The following TTC27 variants were observed in gnomAD, a reference collection of about 807,000 sequenced individuals.
TTC27 encodes the protein tetratricopeptide repeat protein 27.
Under a neutral mutation model 115.9 loss-of-function variants are expected in TTC27, and 79 were observed. The ratio of observed to expected loss-of-function variants is 0.68; its 90% confidence interval spans 0.57 to 0.82. The LOEUF is 0.82. Ranked by LOEUF, TTC27 falls within the 40% of genes least tolerant of loss-of-function variation. The pLI, the probability that TTC27 is intolerant of heterozygous loss-of-function variation, is 0.00. For synonymous variants in TTC27, 401 were observed against 356.0 expected, an observed-to-expected ratio of 1.13 and a Z score of -1.42; for missense variants, 1,054 against 993.1, an observed-to-expected ratio of 1.06 and a Z score of -0.82.
intron 6 of TTC27, among the ~76,000 whole-genome samples, chr2:32,665,156 TG>T (rs1343964900): frequency 6.6e-6 from 1 of 152,114 alleles, no homozygotes; most frequent in African/African-American, 2.4e-5. Flanking sequence ...CCACATTCTG[TG>T]CTTCTTAGAG....
At chr2:32,766,768 A>T (rs1270599223) in intron 13 of TTC27, among the ~76,000 whole-genome samples, 1 of 151,920 alleles carries the variant, frequency 6.6e-6, no homozygotes, top group Non-Finnish European at 1.5e-5. Context: ...TCCCTACTTC[A>T]CCTCATATTG....
chr2:32,681,384 T>C (rs1033832373), intron 9 of TTC27, among the ~76,000 whole-genome samples: 1 of 152,128 alleles, frequency 6.6e-6, no homozygotes. Context: ...CTTCCTCCTG[T>C]CCCTTCTTTG....
chr2:32,653,774 G>A (rs368290569), intron 5 of TTC27, among the ~76,000 whole-genome samples: 9 of 152,166 alleles, frequency 5.9e-5, no homozygotes, highest in African/African-American at 1.7e-4. Context: ...AAATAATCTC[G>A]TGAGAAGAGA....
rs184847595 is a variant in TTC27, at chr2:32,719,125, G to T, written c.1234-14703G>T. 8.2e-3 allele frequency among the ~76,000 whole-genome samples: 1,243 copies of T among 152,270 alleles called. 6 individuals carry two copies. The highest frequency in any genetic ancestry group is 0.013 in the Admixed American group (193 of 15,286). ...CTCTCAGTATGGTGTCTGAAGCATT[G>T]GCCAGTGGTTCTGAGCTATGGAAGT... On this transcript the variant is annotated intron_variant, in intron 10 of 19. Transcript: ENST00000317907.
intron 19 of TTC27, among the ~76,000 whole-genome samples, chr2:32,819,924 A>G (rs900612859): frequency 2.0e-5 from 3 of 152,304 alleles, no homozygotes; most frequent in Non-Finnish European, 2.9e-5. Flanking sequence ...AAGCACTGTA[A>G]TTCTTAGTTT....
chr2:32,725,441 A>T (rs1668077173), intron 10 of TTC27, among the ~76,000 whole-genome samples: 1 of 152,146 alleles, frequency 6.6e-6, no homozygotes, highest in African/African-American at 2.4e-5. Context: ...TATGGGCCCC[A>T]TGCAAGTCCG....
At chr2:32,663,680 GTATTTATT>G (rs1313931097) in intron 5 of TTC27, among the ~76,000 whole-genome samples, 10 of 54,578 alleles carry the variant, frequency 1.8e-4, no homozygotes, top group African/African-American at 4.5e-4. Context: ...ATGTATGTAT[GTATTTATT>G]TATTTATTTA....
At chr2:32,744,469 C>G (rs1490195064) in intron 12 of TTC27, among the ~76,000 whole-genome samples, 1 of 152,186 alleles carries the variant, frequency 6.6e-6, no homozygotes, top group African/African-American at 2.4e-5. Flanking sequence ...AGAAACTACA[C>G]AGTTGACCAG....
intron 9 of TTC27, among the ~76,000 whole-genome samples, chr2:32,682,841 A>ATTTT (rs1559204114): frequency 6.5e-5 from 5 of 77,480 alleles, no homozygotes; most frequent in Non-Finnish European, 1.1e-4. Flanking sequence ...GATAATTTTT[A>ATTTT]TTGTTGTTTT....
chr2:32,763,644 C>T (rs934663056), intron 13 of TTC27, among the ~76,000 whole-genome samples: 14 of 152,098 alleles, frequency 9.2e-5, no homozygotes, highest in African/African-American at 3.4e-4. Context: ...AATGAGAGCT[C>T]CTATACGAAA....
At chr2:32,754,785 A>G (rs1458757264) in intron 12 of TTC27, among the ~76,000 whole-genome samples, 2 of 124,640 alleles carry the variant, frequency 1.6e-5, no homozygotes, top group East Asian at 2.4e-4. Flanking sequence ...GACCTCCCCC[A>G]CCTCCCTCCC....
At chr2:32,663,508 C>G (rs1485882042) in intron 5 of TTC27, among the ~76,000 whole-genome samples, 3 of 150,900 alleles carry the variant, frequency 2.0e-5, no homozygotes, top group African/African-American at 4.8e-5. Context: ...CACTGTCTAA[C>G]CAGTCCCAGT....
chr2:32,636,322 TC>T (rs1419992591), intron 3 of TTC27, among the ~76,000 whole-genome samples: 1 of 152,160 alleles, frequency 6.6e-6, no homozygotes, highest in Non-Finnish European at 1.5e-5. Context: ...CAAATGATTC[TC>T]CCACCTCAGC....
intron 16 of TTC27, among the ~76,000 whole-genome samples, chr2:32,794,724 A>C (rs1454899846): frequency 6.6e-6 from 1 of 152,152 alleles, no homozygotes. Context: ...GAGAAGATTC[A>C]GATTACTGAA....
At chr2:32,801,780 T>C (rs1361179415) in intron 16 of TTC27, among the ~76,000 whole-genome samples, 1 of 152,116 alleles carries the variant, frequency 6.6e-6, no homozygotes, top group Admixed American at 6.6e-5. Flanking sequence ...CCTCAACCAC[T>C]CCTATGAAAG....
At chr2:32,817,634 T>G in intron 19 of TTC27, 77 bp downstream of exon 19, 1 of 1,232,938 alleles carries the variant, frequency 8.1e-7, no homozygotes, top group Non-Finnish European at 1.2e-6. Context: ...CTGTTAAATC[T>G]TCTTTTACAT....
At chr2:32,683,990 C>T (rs939887411) in intron 9 of TTC27, among the ~76,000 whole-genome samples, 4 of 151,808 alleles carry the variant, frequency 2.6e-5, no homozygotes, top group Admixed American at 2.6e-4. Context: ...CCTGTCTCTG[C>T]TAAAAAAAAA....
chr2:32,650,514 C>T (rs1665075132), intron 5 of TTC27, among the ~76,000 whole-genome samples: 1 of 151,888 alleles, frequency 6.6e-6, no homozygotes, highest in South Asian at 2.1e-4. Flanking sequence ...GATTTTATCT[C>T]AAATTGTTTA....
chr2:32,755,594 G>A (rs534502385), intron 12 of TTC27, among the ~76,000 whole-genome samples: 18 of 150,274 alleles, frequency 1.2e-4, no homozygotes, highest in African/African-American at 3.7e-4. Flanking sequence ...AGAGGGAGAC[G>A]GTGGAAAGAG....
Sources: allele counts gnomAD v4.1 joint callset (sites outside exome capture counted in the v4.1 genomes callset), GRCh38; gene constraint gnomAD v4.1.1; transcripts MANE v1.5; gene names NCBI Gene and HGNC (gene_info 2026-07-23, HGNC 2026-07-21).